RHAG: variants seen among roughly 807,000 people sequenced by gnomAD.
The protein encoded by RHAG is Rh associated glycoprotein, also known as ammonium transporter Rh type A.
A neutral mutation model predicts 42.4 loss-of-function variants in RHAG; 25 were observed. The observed-to-expected ratio is 0.59, with a 90% CI of 0.43 to 0.82. The LOEUF is 0.82. Among genes scored for constraint, RHAG ranks in the 40% least tolerant of loss-of-function variants. RHAG has a pLI of 0.00. For synonymous variants in RHAG, 182 were observed against 177.7 expected (o/e 1.02, Z -0.19); for missense variants, 483 against 504.6 (o/e 0.96, Z 0.41).
In RHAG at chr6:49,609,294, A is replaced by G. The variant is rs151042603; in HGVS notation, c.1067+1730T>C. On this transcript the variant is annotated intron_variant, in intron 7 of 9. Coordinates refer to ENST00000371175, the MANE Select transcript of RHAG (RefSeq NM_000324.3). Reference sequence around the variant, plus strand: ...TAAATTGAGATGTTTCTAAACCTGCATTCCCAAGGACCAGACCCTCAACCA... The same window carrying G: ...TAAATTGAGATGTTTCTAAACCTGCGTTCCCAAGGACCAGACCCTCAACCA... Among the ~76,000 whole-genome samples, 493 of 152,196 alleles carry G rather than the reference A, an allele frequency of 3.2e-3. 3 individuals are homozygous for G. The highest frequency in any genetic ancestry group is 5.9e-3 in the Admixed American group (90 of 15,282).
intron 1 of RHAG, among the ~76,000 whole-genome samples, chr6:49,632,854 A>G (rs959621716): frequency 6.6e-6 from 1 of 152,194 alleles, no homozygotes; most frequent in Non-Finnish European, 1.5e-5. Flanking sequence ...GGATTAGCTG[A>G]CAGACACAGT....
At chr6:49,636,276 T>G (rs1414546216) in intron 1 of RHAG, among the ~76,000 whole-genome samples, 1 of 152,110 alleles carries the variant, frequency 6.6e-6, no homozygotes, top group Non-Finnish European at 1.5e-5. Context: ...AACTCCATTC[T>G]TAGAACTCTC....
intron 7 of RHAG, among the ~76,000 whole-genome samples, chr6:49,609,825 A>T (rs1030835850): frequency 3.3e-5 from 5 of 152,226 alleles, no homozygotes; most frequent in African/African-American, 1.2e-4. Flanking sequence ...ATTTCTAGAC[A>T]CACATTTCCC....
chr6:49,621,012 C>A lies in RHAG; in HGVS notation c.158-1650G>T, dbSNP rs985181057. On this transcript the variant is annotated intron_variant, in intron 1 of 9. Coordinates refer to ENST00000371175, the MANE Select transcript of RHAG (RefSeq NM_000324.3). ...ACCTGACTTTCCTGATTTCTCCATT[C>A]ATTGAGCACTGTAGGGGTATAAAAT... 3.9e-4 allele frequency among the ~76,000 whole-genome samples: 59 copies of A among 152,312 alleles called. 1 individual carries two copies. The highest frequency in any genetic ancestry group is 5.9e-5 in the Non-Finnish European group (4 of 68,034).
At chr6:49,607,366 CTT>C (rs1418299186) in intron 7 of RHAG, 146 bp from the exon 8 acceptor site, 2 of 713,184 alleles carry the variant, frequency 2.8e-6, no homozygotes, top group African/African-American at 3.5e-5. Flanking sequence ...TACAATTTTT[CTT>C]TCATATTCTT....
chr6:49,623,388 A>C (rs2127355547), intron 1 of RHAG, among the ~76,000 whole-genome samples: 1 of 152,312 alleles, frequency 6.6e-6, no homozygotes, highest in Non-Finnish European at 1.5e-5. Flanking sequence ...TCCTGCTTTA[A>C]GAGTTTGTGG....
At chr6:49,622,456 C>T (rs1043417642) in intron 1 of RHAG, among the ~76,000 whole-genome samples, 15 of 152,086 alleles carry the variant, frequency 9.9e-5, no homozygotes, top group Non-Finnish European at 8.8e-5. Flanking sequence ...GTGATCCACC[C>T]TCCTTGGCTT....
chr6:49,630,074 C>G (rs1762912051), intron 1 of RHAG, among the ~76,000 whole-genome samples: 1 of 152,208 alleles, frequency 6.6e-6, no homozygotes, highest in Non-Finnish European at 1.5e-5. Flanking sequence ...CGAGAGCGAG[C>G]GAGGGCTGTG....
intron 1 of RHAG, 81 bp from the exon 2 acceptor site, chr6:49,619,443 AGT>A: frequency 8.0e-7 from 1 of 1,256,430 alleles, no homozygotes; most frequent in Non-Finnish European, 1.1e-6. Context: ...CCACTTATTA[AGT>A]GCTACCACCT....
At chr6:49,631,662 G>A (rs1400313356) in intron 1 of RHAG, among the ~76,000 whole-genome samples, 1 of 152,166 alleles carries the variant, frequency 6.6e-6, no homozygotes, top group Non-Finnish European at 1.5e-5. Context: ...TCTCCAATGA[G>A]TCCCTGAGTG....
intron 1 of RHAG, among the ~76,000 whole-genome samples, chr6:49,621,156 G>A (rs990787031): frequency 6.6e-6 from 1 of 152,112 alleles, no homozygotes; most frequent in Non-Finnish European, 1.5e-5. Context: ...AGAGACTGTG[G>A]TACACTACTC....
intron 9 of RHAG, among the ~76,000 whole-genome samples, chr6:49,606,432 G>A (rs1205783679): frequency 6.6e-6 from 1 of 151,842 alleles, no homozygotes. Flanking sequence ...CTGTCTTTCT[G>A]TCTTTCTGTC....
chr6:49,627,445 A>G (rs1446846961), intron 1 of RHAG, among the ~76,000 whole-genome samples: 1 of 152,160 alleles, frequency 6.6e-6, no homozygotes, highest in Non-Finnish European at 1.5e-5. Flanking sequence ...CCATTTAACA[A>G]GTCTCAAGGA....
intron 5 of RHAG, among the ~76,000 whole-genome samples, chr6:49,613,339 G>A (rs1430608387): frequency 6.6e-6 from 1 of 152,078 alleles, no homozygotes; most frequent in African/African-American, 2.4e-5. Flanking sequence ...CAAAGCACTG[G>A]GATTACAGGC....
At position 49,619,204 on chromosome 6, in the gene RHAG, G is replaced by C. The variant is rs1180686517; in HGVS notation, c.316C>G (p.Gln106Glu). ...TTTTTGATTCCAATGTTAAATTTCT[G>C]TCCCTGGCTTTGCAGGATTCCCTGT... Reference protein sequence around the residue: ...IVQGILQSQGQKFNIGIKNMI... With the variant: ...IVQGILQSQGEKFNIGIKNMI... Residue 106 changes from glutamine (Q) to glutamate (E), a missense_variant, in exon 2 of 10, where the codon CAG (glutamine) becomes GAG (glutamate). Coordinates refer to ENST00000371175, the MANE Select transcript of RHAG (RefSeq NM_000324.3). 18 of 1,613,926 alleles carry C rather than the reference G, an allele frequency of 1.1e-5. No homozygotes were observed. Among genetic ancestry groups the C allele is most frequent in the Non-Finnish European group, 1.5e-5 (18 of 1,179,962 alleles).
chr6:49,622,452 C>T (rs946404639), intron 1 of RHAG, among the ~76,000 whole-genome samples: 4 of 152,066 alleles, frequency 2.6e-5, no homozygotes, highest in Non-Finnish European at 4.4e-5. Context: ...CCTTGTGATC[C>T]ACCCTCCTTG....
At chr6:49,608,590 T>G (rs1375892604) in intron 7 of RHAG, among the ~76,000 whole-genome samples, 3 of 152,172 alleles carry the variant, frequency 2.0e-5, no homozygotes, top group Non-Finnish European at 4.4e-5. Context: ...TTGGCCAGGC[T>G]GGTCTCAAAC....
At chr6:49,612,731 C>T (rs955837048) in intron 5 of RHAG, among the ~76,000 whole-genome samples, 197 bp from the exon 6 acceptor site, 1 of 152,150 alleles carries the variant, frequency 6.6e-6, no homozygotes, top group Admixed American at 6.6e-5. Flanking sequence ...TCTTTCTTGC[C>T]GGTCCCTTGG....
At chr6:49,635,094 T>C (rs1322874747) in intron 1 of RHAG, among the ~76,000 whole-genome samples, 1 of 150,918 alleles carries the variant, frequency 6.6e-6, no homozygotes, top group African/African-American at 2.4e-5. Context: ...CTATCATCAT[T>C]ATGTTGCACA....
Sources: allele counts gnomAD v4.1 joint callset (sites outside exome capture counted in the v4.1 genomes callset), GRCh38; gene constraint gnomAD v4.1.1; transcripts MANE v1.5; gene names NCBI Gene and HGNC (gene_info 2026-07-23, HGNC 2026-07-21).